Variants in RNF19A observed in about 807,000 individuals in gnomAD.
RNF19A encodes E3 ubiquitin-protein ligase RNF19A.
RNF19A carries 32 observed loss-of-function variants against 75.7 expected under a neutral mutation model. The observed-to-expected ratio is 0.42, with a 90% CI of 0.32 to 0.57. RNF19A has a LOEUF of 0.57. Ranked by LOEUF, RNF19A falls within the 20% of genes least tolerant of loss-of-function variation. The probability of loss-of-function intolerance (pLI) is 0.10; values close to 1 mark genes in which losing one functional copy is unlikely to be tolerated. For synonymous variants in RNF19A, 335 were observed against 345.2 expected (o/e 0.97, Z 0.33); for missense variants, 782 against 1,036.3 (o/e 0.75, Z 3.37).
At chr8:100,276,142 T>C (rs1024355193) in intron 2 of RNF19A, among the ~76,000 whole-genome samples, 1 of 152,140 alleles carries the variant, frequency 6.6e-6, no homozygotes, top group Non-Finnish European at 1.5e-5. Context: ...CACAAAAACT[T>C]GTACACTAAT....
intron 1 of RNF19A, among the ~76,000 whole-genome samples, chr8:100,335,824 G>C (rs749511100): frequency 2.0e-5 from 3 of 152,200 alleles, no homozygotes; most frequent in Non-Finnish European, 2.9e-5. Context: ...GCGGAGGTGC[G>C]GGCCTAGACA....
At chr8:100,309,640 G>A in intron 1 of RNF19A, 1 of 927,408 alleles carries the variant, frequency 1.1e-6, no homozygotes, top group South Asian at 5.0e-5. Context: ...CCTGGGCCGG[G>A]TAGGGGACCC....
Position 100,287,304 on chromosome 8 carries a change from C to T in RNF19A, c.674+197G>A, listed in dbSNP as rs1197981824. Among the ~76,000 whole-genome samples, 1 of 152,112 alleles carries T rather than the reference C, an allele frequency of 6.6e-6. No homozygotes were observed. Among genetic ancestry groups the T allele is most frequent in the Non-Finnish European group, 1.5e-5 (1 of 68,018 alleles). The stretch of plus-strand genomic sequence containing the variant: ...AAAAGTGCTCAGTGAGTATGTAACG[C>T]AGAGACGATATAGAAATGAGTAAGA... On this transcript the variant is annotated intron_variant, in intron 2 of 9. Transcript: ENST00000341084. The surrounding 1 kb of genome is among the most constrained non-coding windows in gnomAD (Gnocchi z 4.1).
upstream of RNF19A, among the ~76,000 whole-genome samples, chr8:100,311,554 T>C (rs1368904623): frequency 6.6e-6 from 1 of 151,588 alleles, no homozygotes; most frequent in African/African-American, 2.4e-5. Flanking sequence ...CCGTCTCTAC[T>C]AAAAATACAA....
At chr8:100,308,720 CAATTT>C in intron 1 of RNF19A, among the ~76,000 whole-genome samples, 1 of 151,850 alleles carries the variant, frequency 6.6e-6, no homozygotes, top group East Asian at 1.9e-4. Context: ...GTAAAGATCA[CAATTT>C]AAGACAACCG....
chr8:100,297,084 A>C (rs1821599440), intron 1 of RNF19A, among the ~76,000 whole-genome samples: 1 of 152,232 alleles, frequency 6.6e-6, no homozygotes, highest in African/African-American at 2.4e-5. Flanking sequence ...TGTCATCTTT[A>C]CTTAAAATGG....
chr8:100,286,255 T>C (rs1373384333), intron 2 of RNF19A, among the ~76,000 whole-genome samples: 3 of 152,214 alleles, frequency 2.0e-5, no homozygotes, highest in East Asian at 3.8e-4. Flanking sequence ...TCCCAGAGTT[T>C]GCTTCTGCCA....
chr8:100,282,225 T>G (rs1006037166), intron 2 of RNF19A, among the ~76,000 whole-genome samples: 1 of 152,214 alleles, frequency 6.6e-6, no homozygotes, highest in African/African-American at 2.4e-5. Flanking sequence ...GGGAAGAATG[T>G]TATTTTTATT....
rs150994945 is a variant in RNF19A at position 100,274,160 on chromosome 8, G to A, written c.883+793C>T. ...GGAGTAAGTAGAGAATGTGGGATTT[G>A]AATTCAGGCAGTCTGATTCCAGAGT... On this transcript the variant is annotated intron_variant, in intron 3 of 9. Transcript: ENST00000341084. Among the ~76,000 whole-genome samples the A allele has an allele frequency of 2.1e-3, 318 of 152,272 alleles. 4 individuals are homozygous for A. The highest frequency in any genetic ancestry group is 7.3e-3 in the African/African-American group (302 of 41,558).
chr8:100,278,584 T>C (rs1343733971), intron 2 of RNF19A, among the ~76,000 whole-genome samples: 2 of 152,170 alleles, frequency 1.3e-5, no homozygotes, highest in Non-Finnish European at 2.9e-5. Flanking sequence ...GAGTGCTTTA[T>C]CTATATAAAT....
chr8:100,295,972 T>C (rs1224157340), intron 1 of RNF19A, among the ~76,000 whole-genome samples: 1 of 152,252 alleles, frequency 6.6e-6, no homozygotes, highest in East Asian at 1.9e-4. Context: ...TGCTTACTTA[T>C]AAGACTTGCT....
intron 3 of RNF19A, among the ~76,000 whole-genome samples, chr8:100,272,381 A>T (rs1320741490): frequency 6.6e-6 from 1 of 152,116 alleles, no homozygotes; most frequent in African/African-American, 2.4e-5. Flanking sequence ...AAAAACAACT[A>T]ATTATTATAC....
At chr8:100,286,846 C>T (rs1356728820) in intron 2 of RNF19A, among the ~76,000 whole-genome samples, 1 of 152,204 alleles carries the variant, frequency 6.6e-6, no homozygotes, top group Middle Eastern at 3.4e-3. Context: ...GACAACTGTA[C>T]ACAATAAATA....
At chr8:100,310,244 C>T (rs1050337767), upstream of RNF19A, 2 of 985,146 alleles carry the variant, frequency 2.0e-6, no homozygotes, top group Non-Finnish European at 2.4e-6. Context: ...CGGCTCTGGA[C>T]GCGGCTGTTC....
chr8:100,333,804 T>C lies in RNF19A; in HGVS notation c.-243+2304A>G, dbSNP rs1363620384. ...CTGCACTCCAGCCTGGGCAATAGAGTGACACCCTGTCTGTAAACAATAACA... is the reference window on the plus strand; with the variant it reads ...CTGCACTCCAGCCTGGGCAATAGAGCGACACCCTGTCTGTAAACAATAACA... On this transcript the variant is annotated intron_variant, in intron 1 of 3. Coordinates refer to the RNF19A transcript ENST00000519527. The surrounding 1 kb of genome is among the most constrained non-coding windows in gnomAD (Gnocchi z 4.7). Among the ~76,000 whole-genome samples, 2 of 152,108 alleles carry C rather than the reference T, an allele frequency of 1.3e-5. No homozygotes were observed. Among genetic ancestry groups the C allele is most frequent in the East Asian group, 3.9e-4 (2 of 5,192 alleles).
rs533896478 is a variant in RNF19A at position 100,257,754 on chromosome 8, G to C, written c.*802C>G. 5.7e-6 allele frequency: 2 copies of C among 351,840 alleles called. No individual in the cohort carries two copies. Among genetic ancestry groups the C allele is most frequent in the African/African-American group, 4.2e-5 (2 of 47,678 alleles). The allele number at this position is 351,840 out of a possible 1,614,324, so 21.8% of individuals were successfully genotyped here. A position where few individuals can be genotyped will look rare whatever the true frequency, so the allele number is the denominator to read the frequency against. ...CATTAAAACCCAGTCGATCCCAAAG[G>C]CACCAAGAATCAATGGGGTACAAAC... On this transcript the variant is annotated 3_prime_UTR_variant, in exon 10 of 10. Coordinates refer to ENST00000341084, the MANE Select transcript of RNF19A (RefSeq NM_183419.4).
rs1036458428 is a variant in RNF19A, at chr8:100,325,774, C to T, written c.-243+10334G>A. ...TATGTGTGAGTATGTATTACACACA[C>T]ACACACACATTTATATCCATAAAAT... On this transcript the variant is annotated intron_variant, in intron 1 of 3. Coordinates refer to the RNF19A transcript ENST00000519527. This position sits in a 1 kb window ranked among gnomAD's most constrained non-coding sequence, Gnocchi z 4.3. Among the ~76,000 whole-genome samples, 2 of 151,986 alleles carry T rather than the reference C, an allele frequency of 1.3e-5. No homozygotes were observed. The highest frequency in any genetic ancestry group is 2.9e-5 in the Non-Finnish European group (2 of 67,998).
Position 100,287,704 on chromosome 8 carries a change from A to G in RNF19A, c.471T>C (p.Asp157=), listed in dbSNP as rs1050299452. ...CTATCCTTAAATATTGTCGTAAGCAATCCACACAAGATCTGTGATGACAAG... is the reference window on the plus strand; with the variant it reads ...CTATCCTTAAATATTGTCGTAAGCAGTCCACACAAGATCTGTGATGACAAG... ...IMTCHHRSCV[D]CLRQYLRIEI... The change falls in exon 2 of 10, where the codon GAT becomes GAC. Residue 157 remains aspartate, a synonymous_variant. Coordinates refer to ENST00000341084, the MANE Select transcript of RNF19A (RefSeq NM_183419.4). The surrounding 1 kb of genome is among the most constrained non-coding windows in gnomAD (Gnocchi z 4.1). 6.2e-7 allele frequency: 1 copy of G among 1,613,982 alleles called. No individual in the cohort carries two copies. Among genetic ancestry groups the G allele is most frequent in the Non-Finnish European group, 8.5e-7 (1 of 1,179,964 alleles).
Position 100,264,869 on chromosome 8 carries a change from A to C in RNF19A, c.1192-84T>G. 1.9e-6 allele frequency: 2 copies of C among 1,049,802 alleles called. No homozygotes were observed. The highest frequency in any genetic ancestry group is 2.0e-5 in the Admixed American group (1 of 50,158). The allele number at this position is 1,049,802 out of a possible 1,614,324, so 65.0% of individuals were successfully genotyped here. A position where few individuals can be genotyped will look rare whatever the true frequency, so the allele number is the denominator to read the frequency against. On this transcript the variant is annotated intron_variant, in intron 5 of 9. Coordinates refer to ENST00000341084, the MANE Select transcript of RNF19A (RefSeq NM_183419.4). The surrounding 1 kb of genome is among the most constrained non-coding windows in gnomAD (Gnocchi z 4.7). The stretch of plus-strand genomic sequence containing the variant: ...TAGTTGAAAAAGATCTATACTTGCT[A>C]AAGTGATTTTTCATAGAAGTTCGTA...
Sources: gnomAD v4.1 joint callset for allele counts (sites outside exome capture counted in the v4.1 genomes callset) on GRCh38, gnomAD v4.1.1 for gene constraint, Gnocchi (gnomAD v3.1) non-coding constraint, MANE v1.5 for transcripts, NCBI Gene and HGNC (gene_info 2026-07-23, HGNC 2026-07-21) for gene names.